Variants in RPA1 observed in about 807,000 individuals in gnomAD.
RPA1 encodes replication protein A1.
RPA1 carries 49 observed loss-of-function variants against 83.0 expected under a neutral mutation model. The ratio of observed to expected loss-of-function variants is 0.59; its 90% CI spans 0.47 to 0.75. RPA1 has a LOEUF of 0.75. Ranked by LOEUF, RPA1 falls within the 30% of genes least tolerant of loss-of-function variation. The pLI is 0.00. For missense variants in RPA1, 693 were observed against 776.1 expected, an observed-to-expected ratio of 0.89 and a Z score of 1.27; for synonymous variants, 279 against 281.8, an observed-to-expected ratio of 0.99 and a Z score of 0.10.
intron 12 of RPA1, 136 bp from the exon 13 acceptor site, chr17:1,883,676 G>A (rs1038585153): frequency 1.7e-5 from 14 of 819,668 alleles, no homozygotes; most frequent in Admixed American, 1.0e-4. Context: ...AGCTTCAGCC[G>A]ACATGACCGT....
chr17:1,879,215 G>A lies in RPA1; in HGVS notation c.760G>A (p.Val254Met). 3 of 1,613,456 alleles carry A rather than the reference G, an allele frequency of 1.9e-6. No individual in the cohort carries two copies. Among genetic ancestry groups the A allele is most frequent in the Middle Eastern group, 1.7e-4 (1 of 6,060 alleles). ...KFFPLIEVNK[V>M]YYFSKGTLKI... is the part of the protein sequence containing the mutation. ...TTCTGTGGCTTGGCCTCCTTCGCAG[G>A]TGTATTATTTCTCGAAAGGCACCCT... Residue 254 changes from valine to methionine, a missense_variant and splice_region_variant, in exon 10 of 17, where the codon GTG becomes ATG. Physicochemically the swap from Val to Met is conservative, Grantham distance 21. Coordinates refer to ENST00000254719, the MANE Select transcript of RPA1 (RefSeq NM_002945.5).
intron 6 of RPA1, among the ~76,000 whole-genome samples, chr17:1,873,176 G>A (rs1716750771): frequency 6.6e-6 from 1 of 152,106 alleles, no homozygotes; most frequent in Non-Finnish European, 1.5e-5. Context: ...ATCTCTCTCC[G>A]AGTTTCCTAT....
Position 1,891,904 on chromosome 17 carries a change from A to C in RPA1, c.1623A>C (p.Gly541=). The C allele has an allele frequency of 1.2e-6, 2 of 1,609,106 alleles. No individual in the cohort carries two copies. The highest frequency in any genetic ancestry group is 1.7e-6 in the Non-Finnish European group (2 of 1,176,128). Residue 541 remains glycine, a synonymous_variant, in exon 15 of 17, where the codon GGA becomes GGC. Coordinates refer to ENST00000254719, the MANE Select transcript of RPA1 (RefSeq NM_002945.5). ...AGGAGTCTGCTGAAGCTATCCTTGG[A>C]CAAAATGCTGCTTATCTTGGGGAAT... ...CFQESAEAIL[G]QNAAYLGELK... is the part of the protein sequence containing the mutation.
At chr17:1,873,295 T>C (rs564798732) in intron 6 of RPA1, among the ~76,000 whole-genome samples, 2 of 152,338 alleles carry the variant, frequency 1.3e-5, no homozygotes, top group South Asian at 4.1e-4. Flanking sequence ...TCATTTACTT[T>C]TCTCTGCAGC....
chr17:1,865,308 C>T (rs532917664), intron 5 of RPA1, among the ~76,000 whole-genome samples: 32 of 152,284 alleles, frequency 2.1e-4, no homozygotes, highest in African/African-American at 7.5e-4. Flanking sequence ...AACCTTCATA[C>T]CAAAGTTTTT....
At chr17:1,860,987 T>G (rs767727453) in intron 5 of RPA1, among the ~76,000 whole-genome samples, 5 of 152,158 alleles carry the variant, frequency 3.3e-5, no homozygotes, top group Non-Finnish European at 5.9e-5. Flanking sequence ...GACAGACTGT[T>G]CTACCTCGTG....
intron 5 of RPA1, chr17:1,854,113 T>G (rs1007606226): frequency 6.6e-6 from 1 of 152,138 alleles, no homozygotes; most frequent in Non-Finnish European, 1.5e-5. Context: ...ATAAAAAAAG[T>G]CCATTTTTTC....
intron 15 of RPA1, among the ~76,000 whole-genome samples, chr17:1,893,475 T>G (rs1914273862): frequency 6.6e-6 from 1 of 152,270 alleles, no homozygotes; most frequent in Non-Finnish European, 1.5e-5. Flanking sequence ...TCAAGTAACC[T>G]TTACAGAAAA....
At chr17:1,883,121 G>A (rs1279923942) in intron 12 of RPA1, among the ~76,000 whole-genome samples, 1 of 152,168 alleles carries the variant, frequency 6.6e-6, no homozygotes, top group African/African-American at 2.4e-5. Flanking sequence ...AGGAGTTTGA[G>A]ATCAGCCTGG....
Position 1,864,410 on chromosome 17 carries a change from G to A in RPA1, c.362-8024G>A, listed in dbSNP as rs138273805. 6.1e-3 allele frequency among the ~76,000 whole-genome samples: 919 copies of A among 151,876 alleles called. 5 individuals are homozygous for A. The highest frequency in any genetic ancestry group is 0.016 in the African/African-American group (672 of 41,398). On this transcript the variant is annotated intron_variant, in intron 5 of 16. Transcript: ENST00000254719. ...AAAAATTAGCTGGGCATAGTGGCAC[G>A]CGCCTGTATTCCCAGCTACTAGGGA... is the stretch of plus-strand genomic sequence containing the variant.
intron 4 of RPA1, among the ~76,000 whole-genome samples, chr17:1,845,885 A>G (rs1469197631): frequency 6.6e-6 from 1 of 152,188 alleles, no homozygotes; most frequent in African/African-American, 2.4e-5. Context: ...GTGAGCTGAG[A>G]TCACGCCACT....
chr17:1,841,374 G>A (rs1912040381), intron 1 of RPA1, among the ~76,000 whole-genome samples: 1 of 152,128 alleles, frequency 6.6e-6, no homozygotes, highest in African/African-American at 2.4e-5. Flanking sequence ...TGCGATCTCA[G>A]CTCCCTGCAA....
At chr17:1,869,604 G>A (rs1913306811) in intron 5 of RPA1, among the ~76,000 whole-genome samples, 4 of 152,116 alleles carry the variant, frequency 2.6e-5, no homozygotes. Flanking sequence ...CTAGCATAGA[G>A]CAAAAGAGTC....
chr17:1,830,406 T>G (rs1322065657), intron 1 of RPA1, among the ~76,000 whole-genome samples: 2 of 152,222 alleles, frequency 1.3e-5, no homozygotes, highest in Non-Finnish European at 2.9e-5. Context: ...GCGGACACTT[T>G]CTGTCTCTTC....
chr17:1,873,479 C>T (rs906876560), intron 6 of RPA1, among the ~76,000 whole-genome samples: 11 of 152,276 alleles, frequency 7.2e-5, no homozygotes, highest in Non-Finnish European at 1.0e-4. Flanking sequence ...CTCCTCCCCT[C>T]AACTATTAGT....
Position 1,874,032 on chromosome 17 carries a change from T to TATATATAC in RPA1, c.454+1507_454+1508insTATATACA, listed in dbSNP as rs1171343408. 1.6e-3 allele frequency among the ~76,000 whole-genome samples: 128 copies of TATATATAC among 79,220 alleles called. 1 individual carries two copies. Among genetic ancestry groups the TATATATAC allele is most frequent in the African/African-American group, 7.4e-3 (117 of 15,876 alleles). The allele number at this position is 79,220 out of a possible 152,430, so 52.0% of individuals were successfully genotyped here. ...AAAAAAATATATATATATATATATA[T>TATATATAC]ACACACACACACACACACACACACA... On this transcript the variant is annotated intron_variant, in intron 6 of 16. Transcript: ENST00000254719.
At chr17:1,876,701 A>G (rs148125250) in intron 7 of RPA1, among the ~76,000 whole-genome samples, 145 of 152,348 alleles carry the variant, frequency 9.5e-4, no homozygotes, top group South Asian at 2.9e-3. Context: ...TAAGTGGGGT[A>G]CCTAATGTGC....
chr17:1,855,055 AG>A lies in RPA1; in HGVS notation c.361+1869del, dbSNP rs564887441. Among the ~76,000 whole-genome samples, 579 of 152,296 alleles carry A rather than the reference AG, an allele frequency of 3.8e-3. 1 individual carries two copies. The highest frequency in any genetic ancestry group is 5.9e-3 in the Non-Finnish European group (402 of 68,020). The stretch of plus-strand genomic sequence containing the variant: ...AGTTTATTTCTGTTCCTAGTTGGTG[AG>A]GGCTTTCATCAGAAATGGATGGTGA... On this transcript the variant is annotated intron_variant, in intron 5 of 16. Coordinates refer to ENST00000254719, the MANE Select transcript of RPA1 (RefSeq NM_002945.5).
At chr17:1,858,055 C>G in intron 5 of RPA1, 1 of 1,612,466 alleles carries the variant, frequency 6.2e-7, no homozygotes, top group Non-Finnish European at 8.5e-7. Context: ...GGCTGCCAGC[C>G]CCATAGAGGA....
Sources: gnomAD v4.1 joint callset for allele counts (sites outside exome capture counted in the v4.1 genomes callset) on GRCh38, gnomAD v4.1.1 for gene constraint, MANE v1.5 for transcripts, NCBI Gene and HGNC (gene_info 2026-07-23, HGNC 2026-07-21) for gene names.